PATJ: variants seen among roughly 807,000 people sequenced by gnomAD.
PATJ encodes the protein PATJ crumbs cell polarity complex component, also known as inaD-like protein.
In PATJ, 190 loss-of-function variants were observed where a neutral mutation model predicts 224.9. The ratio of observed to expected loss-of-function variants is 0.84; its 90% confidence interval spans 0.75 to 0.95. The LOEUF is 0.95. PATJ is among the 40% of genes least tolerant of loss of function. The probability of loss-of-function intolerance (pLI) is 0.00; values close to 1 mark genes in which losing one functional copy is unlikely to be tolerated. For synonymous variants in PATJ, 769 were observed against 820.3 expected (o/e 0.94, Z 1.07); for missense variants, 2,121 against 2,270.3 (o/e 0.93, Z 1.34).
intron 14 of PATJ, among the ~76,000 whole-genome samples, chr1:61,809,703 C>T (rs1230275041): frequency 1.3e-5 from 2 of 151,778 alleles, no homozygotes; most frequent in Non-Finnish European, 2.9e-5. Context: ...GTATTTTCTG[C>T]ATCCCATGAA....
At chr1:62,037,168 G>T (rs140040250) in intron 29 of PATJ, among the ~76,000 whole-genome samples, 1 of 152,096 alleles carries the variant, frequency 6.6e-6, no homozygotes, top group Non-Finnish European at 1.5e-5. Context: ...AGCTTCCTTG[G>T]TTTATATTGT....
intron 28 of PATJ, among the ~76,000 whole-genome samples, chr1:62,012,048 A>G (rs567211010): frequency 6.6e-5 from 10 of 152,180 alleles, no homozygotes; most frequent in African/African-American, 2.2e-4. Context: ...GCAAGCAAAA[A>G]ACAAAATATA....
At chr1:61,927,864 A>G (rs765987449) in intron 27 of PATJ, 35 bp downstream of exon 27, 2 of 1,369,928 alleles carry the variant, frequency 1.5e-6, no homozygotes, top group African/African-American at 2.9e-5. Context: ...GTAGATGCAG[A>G]ACTTATTAAA....
intron 8 of PATJ, among the ~76,000 whole-genome samples, chr1:61,790,497 TTTC>T (rs1444528968): frequency 2.8e-5 from 4 of 144,130 alleles, no homozygotes; most frequent in South Asian, 4.5e-4. Context: ...TCTTCTTCTT[TTTC>T]TTCTTCTTTT....
chr1:61,909,224 C>T (rs1020679102), intron 25 of PATJ, among the ~76,000 whole-genome samples: 1 of 152,156 alleles, frequency 6.6e-6, no homozygotes, highest in South Asian at 2.1e-4. Context: ...AAGTGATCTG[C>T]GCACCTTGGC....
chr1:62,158,362 C>T (rs1026934347), intron 43 of PATJ, among the ~76,000 whole-genome samples: 2 of 148,770 alleles, frequency 1.3e-5, no homozygotes, highest in Non-Finnish European at 3.0e-5. Context: ...TGGCTGGGCA[C>T]GGACTCATGC....
chr1:61,952,916 A>T (rs1679927581), intron 27 of PATJ, among the ~76,000 whole-genome samples: 2 of 152,218 alleles, frequency 1.3e-5, no homozygotes, highest in Admixed American at 6.5e-5. Context: ...ATCACTAAGG[A>T]CTCATAGTAG....
At chr1:61,986,335 T>C (rs576668483) in intron 27 of PATJ, among the ~76,000 whole-genome samples, 2 of 152,230 alleles carry the variant, frequency 1.3e-5, no homozygotes, top group East Asian at 3.9e-4. Flanking sequence ...TGTACCAACT[T>C]ATAGTTTGTG....
At chr1:62,014,289 C>T (rs762990257) in intron 28 of PATJ, among the ~76,000 whole-genome samples, 1 of 152,016 alleles carries the variant, frequency 6.6e-6, no homozygotes, top group Non-Finnish European at 1.5e-5. Flanking sequence ...TCAGACTCCT[C>T]AAGTGATCCT....
At chr1:61,756,898 T>C (rs1645677732) in intron 1 of PATJ, among the ~76,000 whole-genome samples, 1 of 151,924 alleles carries the variant, frequency 6.6e-6, no homozygotes, top group African/African-American at 2.4e-5. Context: ...AATGAGAGTT[T>C]TCTGTTGTGT....
chr1:61,777,761 G>A (rs1169962736), intron 7 of PATJ, among the ~76,000 whole-genome samples: 1 of 126,956 alleles, frequency 7.9e-6, no homozygotes, highest in Non-Finnish European at 1.6e-5. Context: ...AGGCTAGAGT[G>A]CAGTGGCGTG....
intron 1 of PATJ, among the ~76,000 whole-genome samples, chr1:61,746,298 C>T (rs772974199): frequency 2.0e-4 from 30 of 152,246 alleles, no homozygotes; most frequent in Middle Eastern, 6.8e-3. Context: ...AGGCTGGTCT[C>T]GAACTCCTGG....
chr1:61,764,081 A>G (rs1646128587), intron 3 of PATJ, among the ~76,000 whole-genome samples: 1 of 148,766 alleles, frequency 6.7e-6, no homozygotes. Context: ...GATGGTCTGT[A>G]TCTCCTGACC....
At chr1:61,786,304 G>C (rs1648507832) in intron 7 of PATJ, among the ~76,000 whole-genome samples, 2 of 152,176 alleles carry the variant, frequency 1.3e-5, no homozygotes, top group South Asian at 4.1e-4. Context: ...TTACAGGTGT[G>C]AGCCACTGTG....
At chr1:61,768,671 G>A (rs924634634) in intron 4 of PATJ, among the ~76,000 whole-genome samples, 1 of 151,556 alleles carries the variant, frequency 6.6e-6, no homozygotes, top group African/African-American at 2.4e-5. Flanking sequence ...AGGCTGAGGC[G>A]GGTGGATCGC....
chr1:61,955,890 A>G (rs1463184300), intron 27 of PATJ, among the ~76,000 whole-genome samples: 3 of 152,064 alleles, frequency 2.0e-5, no homozygotes, highest in Non-Finnish European at 2.9e-5. Context: ...TTTTTTGGTA[A>G]TTCATGTTGT....
intron 22 of PATJ, among the ~76,000 whole-genome samples, chr1:61,897,880 A>C (rs1159910054): frequency 2.0e-5 from 3 of 152,180 alleles, no homozygotes; most frequent in Non-Finnish European, 4.4e-5. Flanking sequence ...TGATACTTTC[A>C]ATAATAAAAA....
At chr1:61,906,590 T>C (rs375109777) in intron 24 of PATJ, among the ~76,000 whole-genome samples, 6 of 152,364 alleles carry the variant, frequency 3.9e-5, no homozygotes, top group Admixed American at 6.5e-5. Context: ...CAGCTTCTCA[T>C]GTGCCCACTT....
chr1:61,748,999 T>C (rs1487183242), intron 1 of PATJ, among the ~76,000 whole-genome samples: 7 of 152,068 alleles, frequency 4.6e-5, no homozygotes, highest in Admixed American at 3.3e-4. Flanking sequence ...TTCTTTTTTT[T>C]CTCCTGAGAT....
Sources: allele counts gnomAD v4.1 joint callset (sites outside exome capture counted in the v4.1 genomes callset), GRCh38; gene constraint gnomAD v4.1.1; transcripts MANE v1.5; gene names NCBI Gene and HGNC (gene_info 2026-07-23, HGNC 2026-07-21).